The following FLOT1 variants were observed in gnomAD, a reference collection of about 807,000 sequenced individuals.
FLOT1 encodes the protein flotillin-1.
FLOT1 carries 40 observed loss-of-function variants against 58.4 expected under a neutral mutation model. The ratio of observed to expected loss-of-function variants is 0.69; its 90% CI spans 0.53 to 0.89. The LOEUF (loss-of-function observed/expected upper bound fraction) is 0.89. FLOT1 is among the 40% of genes least tolerant of loss of function. FLOT1 has a pLI of 0.00. For synonymous variants in FLOT1, 178 were observed against 204.2 expected (o/e 0.87, Z 1.09); for missense variants, 423 against 540.8 (o/e 0.78, Z 2.16).
At chr6:30,734,491 T>A (rs913111584) in intron 8 of FLOT1, among the ~76,000 whole-genome samples, 32 of 151,644 alleles carry the variant, frequency 2.1e-4, no homozygotes, top group Admixed American at 3.3e-4. Context: ...TGTATTTTTA[T>A]AGAGTTGGGG....
chr6:30,740,147 G>A lies in FLOT1; in HGVS notation c.723+11C>T. The A allele has an allele frequency of 1.2e-6, 2 of 1,612,562 alleles. No individual in the cohort carries two copies. The highest frequency in any genetic ancestry group is 1.7e-6 in the Non-Finnish European group (2 of 1,179,734). ...GGAAGGGGCAGAGAGTGGCCTGGCA[G>A]TGGCTCTGACCTGAAGCTGATAGGC... On this transcript the variant is annotated intron_variant, in intron 8 of 12. Coordinates refer to ENST00000376389, the MANE Select transcript of FLOT1 (RefSeq NM_005803.4).
intron 8 of FLOT1, among the ~76,000 whole-genome samples, chr6:30,738,733 T>G (rs961185082): frequency 4.6e-5 from 7 of 152,190 alleles, no homozygotes; most frequent in African/African-American, 1.7e-4. Flanking sequence ...ATAAGGCACA[T>G]CATAGCCCGC....
chr6:30,734,223 A>G (rs1777409068), intron 8 of FLOT1, among the ~76,000 whole-genome samples: 1 of 151,416 alleles, frequency 6.6e-6, no homozygotes, highest in Non-Finnish European at 1.5e-5. Context: ...TTAGTAGACC[A>G]TTTCAATCTA....
chr6:30,729,737 T>C (rs951715610), intron 12 of FLOT1, among the ~76,000 whole-genome samples: 1 of 152,174 alleles, frequency 6.6e-6, no homozygotes, highest in Non-Finnish European at 1.5e-5. Context: ...CAAGCACAGG[T>C]TGCAGAGACA....
chr6:30,740,154 T>G lies in FLOT1; in HGVS notation c.723+4A>C. 6.2e-7 allele frequency: 1 copy of G among 1,612,922 alleles called. No individual in the cohort carries two copies. The highest frequency in any genetic ancestry group is 1.1e-5 in the South Asian group (1 of 91,076). On this transcript the variant is annotated splice_donor_region_variant and intron_variant, in intron 8 of 12. Coordinates refer to ENST00000376389, the MANE Select transcript of FLOT1 (RefSeq NM_005803.4). ...GCAGAGAGTGGCCTGGCAGTGGCTC[T>G]GACCTGAAGCTGATAGGCCAGGTCA...
chr6:30,733,313 G>A (rs1172571140), intron 8 of FLOT1, among the ~76,000 whole-genome samples: 1 of 152,160 alleles, frequency 6.6e-6, no homozygotes, highest in African/African-American at 2.4e-5. Context: ...TGGGATTACA[G>A]GCGTTAGCCA....
intron 8 of FLOT1, among the ~76,000 whole-genome samples, chr6:30,731,841 C>CG (rs142270721): frequency 0.011 from 1,743 of 152,364 alleles, 11 homozygotes; most frequent in Middle Eastern, 0.027. Flanking sequence ...GCTTCTTCCT[C>CG]ATTCTCCAAA....
chr6:30,730,126 C>T lies in FLOT1; in HGVS notation c.1150G>A (p.Gly384Ser), dbSNP rs140940537. ...SANKITLVSS[G>S]SGTMGAAKVT... ...TTGGCTGCCCCCATGGTCCCACTGCCGCTGGACACCAGTGTGATCTTATTG... is the reference window on the plus strand; with the variant it reads ...TTGGCTGCCCCCATGGTCCCACTGCTGCTGGACACCAGTGTGATCTTATTG... The change falls in exon 12 of 13, where the codon GGC (glycine) becomes AGC (serine). Residue 384 changes from glycine to serine, a missense_variant. By Grantham distance (56) the Gly-to-Ser change is moderately conservative. Coordinates refer to ENST00000376389, the MANE Select transcript of FLOT1 (RefSeq NM_005803.4). 3.7e-5 allele frequency: 60 copies of T among 1,612,876 alleles called. 1 individual carries two copies. Among genetic ancestry groups the T allele is most frequent in the South Asian group, 2.6e-4 (24 of 91,090 alleles).
Position 30,727,901 on chromosome 6 carries a change from C to A in FLOT1, c.*215G>T, listed in dbSNP as rs1293902284. On this transcript the variant is annotated 3_prime_UTR_variant, in exon 13 of 13. Transcript: ENST00000376389. ...TGGAGTGGGATCATCAGAAGGCTGA[C>A]ATGGGACCGCTGGAGTTGGCAATCA... 3.2e-6 allele frequency: 2 copies of A among 616,172 alleles called. No homozygotes were observed. The highest frequency in any genetic ancestry group is 1.8e-5 in the African/African-American group (1 of 54,540). The allele number at this position is 616,172 out of a possible 1,614,324, so 38.2% of individuals were successfully genotyped here.
Position 30,727,943 on chromosome 6 carries a change from G to C in FLOT1, c.*173C>G. 3.0e-6 allele frequency: 2 copies of C among 673,938 alleles called. No individual in the cohort carries two copies. Among genetic ancestry groups the C allele is most frequent in the Non-Finnish European group, 5.4e-6 (2 of 370,624 alleles). The allele number at this position is 673,938 out of a possible 1,614,324, so 41.7% of individuals were successfully genotyped here. A position where few individuals can be genotyped will look rare whatever the true frequency, so the allele number is the denominator to read the frequency against. On this transcript the variant is annotated 3_prime_UTR_variant, in exon 13 of 13. Coordinates refer to ENST00000376389, the MANE Select transcript of FLOT1 (RefSeq NM_005803.4). ...TGGCAATCATAGCAGTGTGAGGTTG[G>C]CAAGGGGAGCAACCCCCTTCAAGAC... is the stretch of plus-strand genomic sequence containing the variant.
Position 30,740,272 on chromosome 6 carries a change from G to A in FLOT1, c.609C>T (p.Tyr203=), listed in dbSNP as rs1456180624. Residue 203 remains tyrosine, a synonymous_variant, in exon 8 of 13, where the codon TAC becomes TAT. Transcript: ENST00000376389. The part of the protein sequence containing the change: ...KAKQEKVSAQ[Y]LSEIEMAKAQ... ...CCTTGGCCATCTCGATCTCACTCAG[G>A]TACTGAGCAGACACCTTTTCCTGCT... 3.1e-6 allele frequency: 5 copies of A among 1,612,992 alleles called. No homozygotes were observed. The highest frequency in any genetic ancestry group is 4.2e-6 in the Non-Finnish European group (5 of 1,180,008).
chr6:30,733,113 G>T (rs1777316004), intron 8 of FLOT1, among the ~76,000 whole-genome samples: 1 of 152,124 alleles, frequency 6.6e-6, no homozygotes, highest in African/African-American at 2.4e-5. Context: ...TTGGCTCACT[G>T]CAATCTCCAT....
intron 8 of FLOT1, among the ~76,000 whole-genome samples, chr6:30,733,927 CT>C (rs1347090573): frequency 2.0e-5 from 3 of 150,966 alleles, no homozygotes; most frequent in Non-Finnish European, 4.4e-5. Context: ...TGGTGTGCCC[CT>C]GTGGTCCCAA....
chr6:30,737,238 G>A lies in FLOT1; in HGVS notation c.723+2920C>T, dbSNP rs113736430. Among the ~76,000 whole-genome samples, 4,250 of 129,708 alleles carry A rather than the reference G, an allele frequency of 0.033. 126 individuals are homozygous for A. Among genetic ancestry groups the A allele is most frequent in the African/African-American group, 0.088 (2,505 of 28,592 alleles). 85.1% of individuals were successfully genotyped at this position (129,708 alleles called of 152,430 possible). A position where few individuals can be genotyped will look rare whatever the true frequency, so the allele number is the denominator to read the frequency against. The stretch of plus-strand genomic sequence containing the variant: ...CGTCCGTCCGTCCGTCCGTCCGTCC[G>A]TCCGTCCGTCCATCCGTCCATCCAT... On this transcript the variant is annotated intron_variant, in intron 8 of 12. Transcript: ENST00000376389. The surrounding 1 kb of genome is among the most constrained non-coding windows in gnomAD (Gnocchi z 4.4).
rs1454146900 is a variant in FLOT1 at position 30,730,056 on chromosome 6, C to T, written c.1220G>A (p.Ser407Asn). 11 of 1,612,928 alleles carry T rather than the reference C, an allele frequency of 6.8e-6. No homozygotes were observed. Among genetic ancestry groups the T allele is most frequent in the Non-Finnish European group, 9.3e-6 (11 of 1,180,032 alleles). Reference sequence around the variant, plus strand: ...GCTCACGCCTGTGAGTCTTTCCACACTCTCTGGCAGGCGAGTTAGAATGTC... The same window carrying T: ...GCTCACGCCTGTGAGTCTTTCCACATTCTCTGGCAGGCGAGTTAGAATGTC... ...VLDILTRLPE[S>N]VERLTGVSIS... Residue 407 changes from serine (S) to asparagine (N), a missense_variant, in exon 12 of 13, where the codon AGT (serine) becomes AAT (asparagine). Ser to Asn is a conservative substitution (Grantham distance 46). Coordinates refer to ENST00000376389, the MANE Select transcript of FLOT1 (RefSeq NM_005803.4).
At position 30,728,026 on chromosome 6, in the gene FLOT1, A is replaced by G. The variant is rs1215280861; in HGVS notation, c.*90T>C. On this transcript the variant is annotated 3_prime_UTR_variant, in exon 13 of 13. Transcript: ENST00000376389. Reference sequence around the variant, plus strand: ...GGGTGGGACCTCACTGTCAATGGACATGCTCAGGGAGGCCAGTGGGTTACA... The same window carrying G: ...GGGTGGGACCTCACTGTCAATGGACGTGCTCAGGGAGGCCAGTGGGTTACA... 8.4e-7 allele frequency: 1 copy of G among 1,189,962 alleles called. No individual in the cohort carries two copies. Among genetic ancestry groups the G allele is most frequent in the African/African-American group, 1.5e-5 (1 of 66,626 alleles). The allele number at this position is 1,189,962 out of a possible 1,614,324, so 73.7% of individuals were successfully genotyped here.
chr6:30,735,752 C>T (rs1777522449), intron 8 of FLOT1, among the ~76,000 whole-genome samples: 1 of 152,162 alleles, frequency 6.6e-6, no homozygotes, highest in Non-Finnish European at 1.5e-5. Flanking sequence ...GTGCTTTTCA[C>T]ATGTTCCTCT....
intron 8 of FLOT1, among the ~76,000 whole-genome samples, chr6:30,734,113 C>CAGAGA (rs1777402083): frequency 6.8e-6 from 1 of 146,138 alleles, no homozygotes; most frequent in Admixed American, 6.9e-5. Flanking sequence ...TTTGAGATCT[C>CAGAGA]TCTCTCTCTA....
intron 8 of FLOT1, among the ~76,000 whole-genome samples, chr6:30,733,139 A>G (rs1401463743): frequency 6.6e-6 from 1 of 151,970 alleles, no homozygotes; most frequent in African/African-American, 2.4e-5. Flanking sequence ...AGGTTCAAGC[A>G]ATTCTCCTGC....
Sources: allele counts gnomAD v4.1 joint callset (sites outside exome capture counted in the v4.1 genomes callset), GRCh38; gene constraint gnomAD v4.1.1; non-coding constraint Gnocchi (gnomAD v3.1); transcripts MANE v1.5; gene names NCBI Gene and HGNC (gene_info 2026-07-23, HGNC 2026-07-21).